The following ZMAT4 variants were observed in gnomAD, a reference collection of about 807,000 sequenced individuals.
ZMAT4 encodes the protein zinc finger matrin-type protein 4.
Under a neutral mutation model 28.7 loss-of-function variants are expected in ZMAT4, and 17 were observed. That is an observed-to-expected ratio of 0.59 (90% CI 0.41 to 0.89). The LOEUF (loss-of-function observed/expected upper bound fraction) is 0.89. ZMAT4 is among the 40% of genes least tolerant of loss of function. The pLI, the probability that ZMAT4 is intolerant of heterozygous loss-of-function variation, is 0.00. For missense variants in ZMAT4, 240 were observed against 283.8 expected (o/e 0.85, Z 1.11); for synonymous variants, 117 against 109.2 (o/e 1.07, Z -0.44).
chr8:40,877,184 A>G (rs1818069940), intron 1 of ZMAT4, among the ~76,000 whole-genome samples: 1 of 152,166 alleles, frequency 6.6e-6, no homozygotes, highest in Non-Finnish European at 1.5e-5. Flanking sequence ...ACAAGCCAAG[A>G]ACAGTGGTCA....
chr8:40,581,355 G>A (rs118005448), intron 5 of ZMAT4, 94 bp from the exon 6 acceptor site: 17,696 of 1,027,704 alleles, frequency 0.017, 211 homozygotes, highest in South Asian at 0.026. Context: ...ACACAGTGTC[G>A]GAGATAACTC....
intron 4 of ZMAT4, among the ~76,000 whole-genome samples, chr8:40,694,800 C>T (rs1430103125): frequency 6.6e-6 from 1 of 152,158 alleles, no homozygotes; most frequent in Non-Finnish European, 1.5e-5. Flanking sequence ...ACCAGAACCG[C>T]CTTTTCCCCA....
At position 40,756,453 on chromosome 8, in the gene ZMAT4, T is replaced by C. The variant is rs908394519; in HGVS notation, c.192+11188A>G. On this transcript the variant is annotated intron_variant, in intron 3 of 6. Coordinates refer to ENST00000297737, the MANE Select transcript of ZMAT4 (RefSeq NM_024645.3). Reference sequence around the variant, plus strand: ...ATATATATATATATATATATATATATATATACACACTTGTATACCTGAAAA... The same window carrying C: ...ATATATATATATATATATATATATACATATACACACTTGTATACCTGAAAA... Among the ~76,000 whole-genome samples, 13 of 131,634 alleles carry C rather than the reference T, an allele frequency of 9.9e-5. 2 individuals carry two copies. Among genetic ancestry groups the C allele is most frequent in the Non-Finnish European group, 1.8e-4 (11 of 62,426 alleles). 86.4% of individuals were successfully genotyped at this position (131,634 alleles called of 152,430 possible). A position where few individuals can be genotyped will look rare whatever the true frequency, so the allele number is the denominator to read the frequency against.
At chr8:40,582,271 C>A (rs1000567781) in intron 5 of ZMAT4, among the ~76,000 whole-genome samples, 6 of 152,098 alleles carry the variant, frequency 3.9e-5, no homozygotes, top group Non-Finnish European at 7.4e-5. Flanking sequence ...GAGGCCGAGG[C>A]AGGAGGATAG....
intron 4 of ZMAT4, among the ~76,000 whole-genome samples, chr8:40,684,914 C>T (rs1248898190): frequency 1.3e-5 from 2 of 152,060 alleles, no homozygotes; most frequent in African/African-American, 4.8e-5. Flanking sequence ...AAAAAGGGAC[C>T]TCATGGTTTC....
chr8:40,843,497 A>T (rs1481555487), intron 1 of ZMAT4, among the ~76,000 whole-genome samples: 1 of 152,166 alleles, frequency 6.6e-6, no homozygotes, highest in African/African-American at 2.4e-5. Flanking sequence ...CAGGGGACAG[A>T]ATGCTTCCCA....
intron 1 of ZMAT4, among the ~76,000 whole-genome samples, chr8:40,873,734 G>C (rs530787482): frequency 2.0e-5 from 3 of 152,194 alleles, no homozygotes; most frequent in South Asian, 4.1e-4. Context: ...AGTAGTCCCA[G>C]AGGATCTTAA....
chr8:40,621,736 C>G (rs1452253537), intron 5 of ZMAT4, among the ~76,000 whole-genome samples: 1 of 152,172 alleles, frequency 6.6e-6, no homozygotes, highest in East Asian at 1.9e-4. Context: ...TGCACATTTC[C>G]TCTTTGGATT....
intron 5 of ZMAT4, among the ~76,000 whole-genome samples, chr8:40,613,483 C>T (rs980308949): frequency 6.6e-6 from 1 of 152,122 alleles, no homozygotes; most frequent in Non-Finnish European, 1.5e-5. Flanking sequence ...CTTGCCCAGC[C>T]TCACCTGCCC....
At chr8:40,715,950 G>A (rs1340783329) in intron 3 of ZMAT4, among the ~76,000 whole-genome samples, 4 of 152,174 alleles carry the variant, frequency 2.6e-5, no homozygotes, top group South Asian at 2.1e-4. Flanking sequence ...GCCTATAAGC[G>A]CCTGTGGTTT....
chr8:40,571,495 T>C (rs556321407), intron 6 of ZMAT4, among the ~76,000 whole-genome samples: 23 of 152,252 alleles, frequency 1.5e-4, no homozygotes, highest in Middle Eastern at 3.4e-3. Flanking sequence ...TGGATTTCAA[T>C]GTTCTACCAA....
At chr8:40,660,707 C>T (rs1332327987) in intron 5 of ZMAT4, among the ~76,000 whole-genome samples, 2 of 152,160 alleles carry the variant, frequency 1.3e-5, no homozygotes, top group Non-Finnish European at 2.9e-5. Context: ...TTACCTCAAC[C>T]TCAACTATAA....
chr8:40,654,133 T>C (rs143756941), intron 5 of ZMAT4, among the ~76,000 whole-genome samples: 1 of 152,328 alleles, frequency 6.6e-6, no homozygotes, highest in Admixed American at 6.5e-5. Context: ...CAACATCTGC[T>C]AGTCATAGGC....
At position 40,720,218 on chromosome 8, in the gene ZMAT4, G is replaced by T. The variant is rs561567417; in HGVS notation, c.193-22817C>A. 2.6e-4 allele frequency among the ~76,000 whole-genome samples: 39 copies of T among 152,254 alleles called. No individual in the cohort carries two copies. The South Asian group carries it at 4.6e-3, about 18-fold the overall frequency. Reference sequence around the variant, plus strand: ...TCTAAATAAAAGCAATTCCATTCAGGTGATTGTTGTCACTATTGATCTTAT... The same window carrying T: ...TCTAAATAAAAGCAATTCCATTCAGTTGATTGTTGTCACTATTGATCTTAT... On this transcript the variant is annotated intron_variant, in intron 3 of 6. Coordinates refer to ENST00000297737, the MANE Select transcript of ZMAT4 (RefSeq NM_024645.3).
intron 6 of ZMAT4, among the ~76,000 whole-genome samples, chr8:40,576,511 A>G (rs1048925161): frequency 3.3e-5 from 5 of 150,860 alleles, no homozygotes; most frequent in Non-Finnish European, 7.4e-5. Flanking sequence ...GAATGGGATG[A>G]CATATTTAAG....
chr8:40,787,685 T>G (rs531294474), intron 2 of ZMAT4, among the ~76,000 whole-genome samples: 1 of 152,116 alleles, frequency 6.6e-6, no homozygotes, highest in African/African-American at 2.4e-5. Flanking sequence ...TGAGGCCTCA[T>G]TAGTGGATCT....
At chr8:40,649,038 A>G (rs1807495723) in intron 5 of ZMAT4, among the ~76,000 whole-genome samples, 1 of 148,872 alleles carries the variant, frequency 6.7e-6, no homozygotes, top group East Asian at 2.0e-4. Flanking sequence ...ATAACCAGCT[A>G]ACATCATAAT....
chr8:40,791,339 G>A (rs1243637390), intron 2 of ZMAT4, among the ~76,000 whole-genome samples: 1 of 152,156 alleles, frequency 6.6e-6, no homozygotes, highest in Non-Finnish European at 1.5e-5. Context: ...GAGCTCCAAA[G>A]TACTTAAGCC....
At chr8:40,868,544 T>C (rs1817748747) in intron 1 of ZMAT4, among the ~76,000 whole-genome samples, 1 of 152,200 alleles carries the variant, frequency 6.6e-6, no homozygotes, top group Non-Finnish European at 1.5e-5. Context: ...CAGACTGCAC[T>C]TGGGCACCAA....
Sources: allele counts gnomAD v4.1 joint callset (sites outside exome capture counted in the v4.1 genomes callset), GRCh38; gene constraint gnomAD v4.1.1; transcripts MANE v1.5; gene names NCBI Gene and HGNC (gene_info 2026-07-23, HGNC 2026-07-21).